The following KIF21A variants were observed in gnomAD, a reference collection of about 807,000 sequenced individuals.
KIF21A encodes the protein kinesin family member 21A.
Under a neutral mutation model 202.9 loss-of-function variants are expected in KIF21A, and 114 were observed. That is an observed-to-expected ratio of 0.56 (90% CI 0.48 to 0.66). The LOEUF (loss-of-function observed/expected upper bound fraction) is 0.66. Among genes scored for constraint, KIF21A ranks in the 30% least tolerant of loss-of-function variants. The pLI, the probability that KIF21A is intolerant of heterozygous loss-of-function variation, is 0.00. For missense variants in KIF21A, 1,677 were observed against 1,994.9 expected (o/e 0.84, Z 3.04); for synonymous variants, 667 against 670.8 (o/e 0.99, Z 0.09).
At chr12:39,355,464 A>G (rs1485416574) in intron 10 of KIF21A, among the ~76,000 whole-genome samples, 1 of 151,988 alleles carries the variant, frequency 6.6e-6, no homozygotes, top group Non-Finnish European at 1.5e-5. Context: ...AAAGAGACGC[A>G]GCCTAAGAGC....
chr12:39,351,940 G>C lies in KIF21A; in HGVS notation c.1510C>G (p.Arg504Gly). 1.9e-6 allele frequency: 3 copies of C among 1,613,264 alleles called. No individual in the cohort carries two copies. Residue 504 changes from arginine to glycine, a missense_variant, in exon 11 of 38, where the codon CGA becomes GGA. By Grantham distance (125) the Arg-to-Gly change is moderately radical. Coordinates refer to ENST00000361418, the MANE Select transcript of KIF21A (RefSeq NM_001173464.2). ...GCTGTGGCTCTTGTCAAGTTTTTTCGAAGGTTCTCATTCACTGCTTCACTT... is the reference window on the plus strand; with the variant it reads ...GCTGTGGCTCTTGTCAAGTTTTTTCCAAGGTTCTCATTCACTGCTTCACTT... The part of the protein sequence containing the change: ...LESEAVNENL[R>G]KNLTRATARA...
At chr12:39,339,031 C>T (rs1218940213) in intron 16 of KIF21A, among the ~76,000 whole-genome samples, 1 of 152,102 alleles carries the variant, frequency 6.6e-6, no homozygotes, top group East Asian at 1.9e-4. Context: ...TTAATCCCAG[C>T]ACTTTGGGAG....
intron 1 of KIF21A, among the ~76,000 whole-genome samples, chr12:39,427,192 T>C (rs1435038378): frequency 6.6e-6 from 1 of 152,172 alleles, no homozygotes; most frequent in South Asian, 2.1e-4. Context: ...TTAAAACACA[T>C]GGAATGGATC....
chr12:39,356,119 T>C (rs895196191), intron 10 of KIF21A, among the ~76,000 whole-genome samples: 1 of 152,228 alleles, frequency 6.6e-6, no homozygotes, highest in Non-Finnish European at 1.5e-5. Flanking sequence ...CGGGAAACCG[T>C]GGAACCTGAA....
At chr12:39,374,915 T>C (rs1218405222) in intron 1 of KIF21A, among the ~76,000 whole-genome samples, 1 of 152,186 alleles carries the variant, frequency 6.6e-6, no homozygotes, top group East Asian at 1.9e-4. Flanking sequence ...TCCCCTGCCA[T>C]GCACTATGCA....
intron 7 of KIF21A, among the ~76,000 whole-genome samples, chr12:39,362,633 T>C (rs1263125470): frequency 6.6e-6 from 1 of 151,012 alleles, no homozygotes; most frequent in Non-Finnish European, 1.5e-5. Context: ...TTTCCACGTA[T>C]AAAAAAAAAT....
intron 1 of KIF21A, among the ~76,000 whole-genome samples, chr12:39,380,633 G>A (rs143451442): frequency 6.6e-6 from 1 of 151,816 alleles, no homozygotes; most frequent in East Asian, 2.0e-4. Flanking sequence ...AAGAGGAGAG[G>A]ACCGCTTGAT....
At chr12:39,317,181 T>C (rs1944646157) in intron 29 of KIF21A, among the ~76,000 whole-genome samples, 1 of 152,284 alleles carries the variant, frequency 6.6e-6, no homozygotes, top group Non-Finnish European at 1.5e-5. Context: ...AATAAAAGAA[T>C]TATCCATAAA....
intron 37 of KIF21A, among the ~76,000 whole-genome samples, chr12:39,300,590 T>G (rs1265434782): frequency 1.3e-5 from 2 of 152,170 alleles, no homozygotes; most frequent in East Asian, 1.9e-4. Context: ...CAAACAAAAT[T>G]GGGAGGTGTT....
chr12:39,315,099 T>C (rs755044674), intron 31 of KIF21A, 130 bp downstream of exon 31: 8 of 845,400 alleles, frequency 9.5e-6, no homozygotes, highest in Admixed American at 1.8e-5. Context: ...AGGTTAAATA[T>C]GGCAAATTTG....
At chr12:39,337,049 TTCAACGTACAATTTTC>T in intron 17 of KIF21A, 31 bp downstream of exon 17, 2 of 1,307,424 alleles carry the variant, frequency 1.5e-6, no homozygotes. Context: ...AACAATCTTT[TTCAACGTACAATTTTC>T]TTATATAACT....
chr12:39,315,123 A>T, intron 31 of KIF21A, 106 bp downstream of exon 31: 1 of 1,049,648 alleles, frequency 9.5e-7, no homozygotes, highest in East Asian at 2.4e-5. Flanking sequence ...AACAGACTTG[A>T]TCTGAAGGAG....
At chr12:39,378,180 T>C (rs558816313) in intron 1 of KIF21A, among the ~76,000 whole-genome samples, 86 of 152,270 alleles carry the variant, frequency 5.6e-4, no homozygotes, top group African/African-American at 2.0e-3. Context: ...AAAATAGCTA[T>C]TGGGCCATCT....
chr12:39,326,372 T>G (rs1270998220), intron 24 of KIF21A, 48 bp from the exon 25 acceptor site: 1 of 1,321,062 alleles, frequency 7.6e-7, no homozygotes, highest in South Asian at 1.2e-5. Flanking sequence ...TGTCACAGTT[T>G]GAATGGTGAC....
At chr12:39,415,223 G>C (rs935350752) in intron 1 of KIF21A, among the ~76,000 whole-genome samples, 3 of 135,100 alleles carry the variant, frequency 2.2e-5, no homozygotes, top group Admixed American at 7.2e-5. Flanking sequence ...AAGTCTGGTA[G>C]AGAATGCTTT....
intron 5 of KIF21A, 73 bp from the exon 6 acceptor site, chr12:39,366,590 T>G: frequency 6.4e-6 from 7 of 1,099,852 alleles, no homozygotes; most frequent in South Asian, 2.7e-5. Context: ...TACCTTGCGC[T>G]TATCCCATGT....
At chr12:39,399,274 T>C (rs1349122143) in intron 1 of KIF21A, among the ~76,000 whole-genome samples, 2 of 152,322 alleles carry the variant, frequency 1.3e-5, no homozygotes, top group East Asian at 3.9e-4. Flanking sequence ...ATTTAAAGTA[T>C]ATGTGAGGAT....
Position 39,366,505 on chromosome 12 carries a change from C to T in KIF21A, c.748G>A (p.Asp250Asn). The T allele has an allele frequency of 6.2e-7, 1 of 1,605,464 alleles. No homozygotes were observed. Among genetic ancestry groups the T allele is most frequent in the Non-Finnish European group, 8.5e-7 (1 of 1,172,536 alleles). The change falls in exon 6 of 38, where the codon GAT becomes AAT. Residue 250 changes from aspartate to asparagine, a missense_variant. Physicochemically the swap from Asp to Asn is conservative, Grantham distance 23. Coordinates refer to ENST00000361418, the MANE Select transcript of KIF21A (RefSeq NM_001173464.2). The stretch of plus-strand genomic sequence containing the variant: ...GCTGATTCAGAAATAATTTTATTAT[C>T]AGTTGCATTGTCCTGAAATTAAGAA... ...CPQIDADNAT[D>N]NKIISESAQM...
At chr12:39,388,764 C>T (rs1024551694) in intron 1 of KIF21A, among the ~76,000 whole-genome samples, 1 of 152,076 alleles carries the variant, frequency 6.6e-6, no homozygotes, top group Non-Finnish European at 1.5e-5. Flanking sequence ...AATCCTATTC[C>T]AACTAAACTT....
Sources: gnomAD v4.1 joint callset for allele counts (sites outside exome capture counted in the v4.1 genomes callset) on GRCh38, gnomAD v4.1.1 for gene constraint, MANE v1.5 for transcripts, NCBI Gene and HGNC (gene_info 2026-07-23, HGNC 2026-07-21) for gene names.